The following SMC1B variants were observed in gnomAD, a reference collection of about 807,000 sequenced individuals.
The protein encoded by SMC1B is structural maintenance of chromosomes protein 1B.
A neutral mutation model predicts 157.9 loss-of-function variants in SMC1B; 60 were observed. The observed-to-expected ratio is 0.38, with a 90% CI of 0.31 to 0.47. The LOEUF is 0.47. Among genes scored for constraint, SMC1B ranks in the 20% least tolerant of loss-of-function variants. The probability of loss-of-function intolerance (pLI) is 0.99; values close to 1 mark genes in which losing one functional copy is unlikely to be tolerated. For synonymous variants in SMC1B, 445 were observed against 483.0 expected (o/e 0.92, Z 1.03); for missense variants, 1,165 against 1,426.2 (o/e 0.82, Z 2.95).
At chr22:45,353,057 G>A (rs1374393342) in intron 21 of SMC1B, among the ~76,000 whole-genome samples, 1 of 152,092 alleles carries the variant, frequency 6.6e-6, no homozygotes, top group Non-Finnish European at 1.5e-5. Context: ...GATCACTTGA[G>A]GTCAGGAGTT....
chr22:45,352,429 T>C (rs1046062685), intron 22 of SMC1B, 22 bp downstream of exon 22: 3 of 1,602,632 alleles, frequency 1.9e-6, no homozygotes, highest in Non-Finnish European at 2.6e-6. Flanking sequence ...ATATGAAAAC[T>C]GAATAGCTTT....
At chr22:45,379,723 CTTTTTTTTTTT>C (rs136583) in intron 12 of SMC1B, among the ~76,000 whole-genome samples, 1 of 91,480 alleles carries the variant, frequency 1.1e-5, no homozygotes, top group Admixed American at 1.4e-4. Context: ...TTTCTTTTTA[CTTTTTTTTTTT>C]TTTTTTTTTT....
At chr22:45,357,502 T>C (rs753734739) in intron 19 of SMC1B, among the ~76,000 whole-genome samples, 11 of 152,356 alleles carry the variant, frequency 7.2e-5, no homozygotes, top group Non-Finnish European at 1.5e-4. Context: ...TTTGGGATGC[T>C]GGAGTAAGTA....
At chr22:45,367,159 G>A (rs1048477387) in intron 15 of SMC1B, among the ~76,000 whole-genome samples, 6 of 152,064 alleles carry the variant, frequency 3.9e-5, no homozygotes, top group Admixed American at 1.3e-4. Context: ...ATGGTTCCCC[G>A]TTTGCTATTG....
intron 11 of SMC1B, among the ~76,000 whole-genome samples, chr22:45,384,615 G>A (rs1304052157): frequency 6.6e-6 from 1 of 151,894 alleles, no homozygotes; most frequent in African/African-American, 2.4e-5. Context: ...AGCTGCTCAG[G>A]AGGCTGAGGC....
intron 12 of SMC1B, among the ~76,000 whole-genome samples, chr22:45,377,281 T>C (rs2086892128): frequency 6.6e-6 from 1 of 152,214 alleles, no homozygotes; most frequent in South Asian, 2.1e-4. Flanking sequence ...TCAAAAGCAC[T>C]AGCTTTTAGA....
chr22:45,397,770 A>G (rs2087142299), intron 6 of SMC1B, among the ~76,000 whole-genome samples: 1 of 152,306 alleles, frequency 6.6e-6, no homozygotes, highest in East Asian at 1.9e-4. Context: ...TAAAAGCCCC[A>G]GACCCAGCTA....
At chr22:45,375,582 TTC>T (rs1412155569) in intron 12 of SMC1B, among the ~76,000 whole-genome samples, 1 of 152,240 alleles carries the variant, frequency 6.6e-6, no homozygotes, top group Non-Finnish European at 1.5e-5. Flanking sequence ...AAGCAATTAT[TTC>T]TGTTCAAGTA....
chr22:45,389,541 ATAT>A (rs2087032611), intron 10 of SMC1B, among the ~76,000 whole-genome samples, 168 bp downstream of exon 10: 1 of 152,202 alleles, frequency 6.6e-6, no homozygotes, highest in South Asian at 2.1e-4. Context: ...TAGCCACTTG[ATAT>A]TATTCTTTGC....
At position 45,408,768 on chromosome 22, in the gene SMC1B, T is replaced by C; in HGVS notation, c.240A>G (p.Val80=). The change falls in exon 2 of 25, where the codon GTA becomes GTG. Residue 80 remains valine, a synonymous_variant. Transcript: ENST00000357450. ...IGKPISSSAS[V]KIIYVEESGE... ...CACTTTCCTCCACATATATAATTTT[T>C]ACACTTGCAGAAGAAGAAATAGGTT... is the stretch of plus-strand genomic sequence containing the variant. 2 of 1,599,202 alleles carry C rather than the reference T, an allele frequency of 1.3e-6. No homozygotes were observed. The highest frequency in any genetic ancestry group is 1.7e-6 in the Non-Finnish European group (2 of 1,174,928).
chr22:45,383,414 A>T, intron 12 of SMC1B, 53 bp downstream of exon 12: 1 of 1,391,868 alleles, frequency 7.2e-7, no homozygotes, highest in Non-Finnish European at 9.5e-7. Flanking sequence ...CACCTAGTTT[A>T]AAAACACAAT....
chr22:45,396,601 ATAAAT>A (rs2146837211), intron 6 of SMC1B, 115 bp from the exon 7 acceptor site: 1 of 795,800 alleles, frequency 1.3e-6, no homozygotes, highest in African/African-American at 1.8e-5. Context: ...CTTGCTTTAT[ATAAAT>A]TAAATCATAA....
intron 1 of SMC1B, among the ~76,000 whole-genome samples, chr22:45,410,041 T>G (rs1457529687): frequency 6.6e-6 from 1 of 152,242 alleles, no homozygotes; most frequent in East Asian, 1.9e-4. Flanking sequence ...ATTTCACATG[T>G]GTGGACTAGC....
intron 20 of SMC1B, among the ~76,000 whole-genome samples, chr22:45,354,709 T>A (rs1269771299): frequency 6.6e-6 from 1 of 152,188 alleles, no homozygotes; most frequent in Admixed American, 6.5e-5. Context: ...GTATTTATTA[T>A]GTCAATTTTT....
In SMC1B at chr22:45,363,041, T is replaced by G; in HGVS notation, c.2421-15A>C. The G allele has an allele frequency of 6.5e-7, 1 of 1,544,860 alleles. No individual in the cohort carries two copies. The highest frequency in any genetic ancestry group is 8.7e-7 in the Non-Finnish European group (1 of 1,147,902). On this transcript the variant is annotated splice_polypyrimidine_tract_variant and intron_variant, in intron 15 of 24. Coordinates refer to ENST00000357450, the MANE Select transcript of SMC1B (RefSeq NM_148674.5). The stretch of plus-strand genomic sequence containing the variant: ...CAAATTCTAATCTAGTATAATAAAG[T>G]CAAGCATTACAAGTGTAAACAGAAA...
chr22:45,375,943 G>C (rs934026645), intron 12 of SMC1B, among the ~76,000 whole-genome samples: 10 of 152,018 alleles, frequency 6.6e-5, no homozygotes, highest in Non-Finnish European at 1.2e-4. Flanking sequence ...AAATAAGCTG[G>C]AAAGTTTCCA....
chr22:45,400,629 G>A (rs946753989), intron 5 of SMC1B, among the ~76,000 whole-genome samples: 1 of 152,152 alleles, frequency 6.6e-6, no homozygotes, highest in African/African-American at 2.4e-5. Flanking sequence ...CTCCTTAAGT[G>A]TGGGCTAAGC....
At chr22:45,363,100 T>C in intron 15 of SMC1B, 74 bp from the exon 16 acceptor site, 1 of 1,082,838 alleles carries the variant, frequency 9.2e-7, no homozygotes. Flanking sequence ...ATGGGAAATT[T>C]CAAACAAATA....
chr22:45,392,607 G>A (rs1351548680), intron 9 of SMC1B, among the ~76,000 whole-genome samples: 1 of 152,046 alleles, frequency 6.6e-6, no homozygotes, highest in Non-Finnish European at 1.5e-5. Flanking sequence ...TTAGGAGTCA[G>A]AAAGTCAAAA....
Sources: gnomAD v4.1 joint callset for allele counts (sites outside exome capture counted in the v4.1 genomes callset) on GRCh38, gnomAD v4.1.1 for gene constraint, MANE v1.5 for transcripts, NCBI Gene and HGNC (gene_info 2026-07-23, HGNC 2026-07-21) for gene names.